Variants in DRICH1 observed in about 807,000 individuals in gnomAD.
The protein encoded by DRICH1 is aspartate-rich protein 1.
Under a neutral mutation model 39.5 loss-of-function variants are expected in DRICH1, and 38 were observed. The ratio of observed to expected loss-of-function variants is 0.96; its 90% CI spans 0.74 to 1.26. DRICH1 has a LOEUF of 1.26. DRICH1 is among the 50% of genes most tolerant of loss of function. DRICH1 has a pLI of 0.00. For missense variants in DRICH1, 279 were observed against 270.4 expected (o/e 1.03, Z -0.22); for synonymous variants, 84 against 99.5 (o/e 0.84, Z 0.93).
chr22:23,622,456 T>A (rs897383368), intron 3 of DRICH1, among the ~76,000 whole-genome samples: 2 of 152,012 alleles, frequency 1.3e-5, no homozygotes, highest in Non-Finnish European at 2.9e-5. Flanking sequence ...AATGGAAGAG[T>A]GCCTTCCTAC....
At chr22:23,621,783 A>G (rs1334547023) in intron 4 of DRICH1, among the ~76,000 whole-genome samples, 1 of 152,174 alleles carries the variant, frequency 6.6e-6, no homozygotes, top group Non-Finnish European at 1.5e-5. Flanking sequence ...GCATGAAGAC[A>G]CATGCCTGTA....
At chr22:23,623,162 T>C (rs1460451409) in intron 3 of DRICH1, among the ~76,000 whole-genome samples, 1 of 152,098 alleles carries the variant, frequency 6.6e-6, no homozygotes, top group East Asian at 1.9e-4. Context: ...CCCAGCACTT[T>C]TTGGGAGGCT....
At chr22:23,587,337 C>T in the DRICH1 span, among the ~76,000 whole-genome samples, 164 of 152,298 alleles carry the variant, frequency 1.1e-3, no homozygotes, top group Admixed American at 4.3e-3. Context: ...ATGTGGGGCA[C>T]CTAGGGTCAC....
chr22:23,624,259 A>T, intron 3 of DRICH1: 5 of 985,330 alleles, frequency 5.1e-6, no homozygotes, highest in Non-Finnish European at 6.0e-6. Context: ...TGTGTCCCAA[A>T]CCACAGGCTC....
At chr22:23,614,108 T>C (rs1927203726) in intron 9 of DRICH1, 27 bp downstream of exon 9, 3 of 1,494,240 alleles carry the variant, frequency 2.0e-6, no homozygotes, top group African/African-American at 1.4e-5. Context: ...AACATTGCTG[T>C]AGAAGACAAA....
chr22:23,628,547 GC>G (rs10713775), intron 1 of DRICH1, among the ~76,000 whole-genome samples: 14,066 of 152,174 alleles, frequency 0.092, 730 homozygotes, highest in East Asian at 0.24. Context: ...TCCAGCCTGG[GC>G]AACAGAGTGA....
chr22:23,597,175 C>T, the DRICH1 span, among the ~76,000 whole-genome samples: 2 of 143,224 alleles, frequency 1.4e-5, no homozygotes, highest in African/African-American at 2.6e-5. Context: ...TTCTTTCCTT[C>T]CTCCCTCCCT....
chr22:23,620,881 A>G (rs1230579350), intron 4 of DRICH1, among the ~76,000 whole-genome samples: 2 of 152,218 alleles, frequency 1.3e-5, no homozygotes, highest in African/African-American at 4.8e-5. Flanking sequence ...ATCCAAAGAG[A>G]AAAACTGGTG....
intron 8 of DRICH1, among the ~76,000 whole-genome samples, 177 bp from the exon 9 acceptor site, chr22:23,614,391 T>C (rs960178649): frequency 2.0e-5 from 3 of 152,152 alleles, no homozygotes; most frequent in Non-Finnish European, 4.4e-5. Flanking sequence ...ATGAAAGACA[T>C]GAGACATGGA....
chr22:23,597,225 G>A, the DRICH1 span, among the ~76,000 whole-genome samples: 2 of 147,110 alleles, frequency 1.4e-5, no homozygotes, highest in African/African-American at 5.1e-5. Flanking sequence ...GGACACAGTG[G>A]CTTACATCTA....
At chr22:23,620,455 T>A in intron 5 of DRICH1, 139 bp downstream of exon 5, 1 of 997,728 alleles carries the variant, frequency 1.0e-6, no homozygotes, top group Non-Finnish European at 1.6e-6. Flanking sequence ...ACAGCCCCTC[T>A]GCTCATAGTT....
chr22:23,630,525 T>A (rs748359387), intron 1 of DRICH1: 1 of 152,210 alleles, frequency 6.6e-6, no homozygotes, highest in African/African-American at 2.4e-5. Context: ...TTTTTCTTCC[T>A]TTTTATTAGA....
chr22:23,596,660 A>C, the DRICH1 span, among the ~76,000 whole-genome samples: 3 of 152,116 alleles, frequency 2.0e-5, no homozygotes, highest in Admixed American at 6.6e-5. Context: ...AGTGTGTTTA[A>C]ATTTTTATAT....
intron 10 of DRICH1, 21 bp from the exon 11 acceptor site, chr22:23,613,351 G>T: frequency 6.2e-7 from 1 of 1,604,082 alleles, no homozygotes; most frequent in Non-Finnish European, 8.5e-7. Context: ...AAAAACACCA[G>T]AATAAGTCAT....
chr22:23,600,651 TA>T, the DRICH1 span, among the ~76,000 whole-genome samples: 1 of 123,954 alleles, frequency 8.1e-6, no homozygotes, highest in South Asian at 2.9e-4. Flanking sequence ...GCCTCCCCTC[TA>T]AAAACGATTC....
chr22:23,612,570 TACTA>T (rs1927104468), intron 11 of DRICH1, among the ~76,000 whole-genome samples: 1 of 151,254 alleles, frequency 6.6e-6, no homozygotes, highest in African/African-American at 2.4e-5. Context: ...AATAGTGTGA[TACTA>T]TCTTTTGTGG....
downstream of DRICH1, among the ~76,000 whole-genome samples, chr22:23,604,254 C>T (rs905084306): frequency 4.6e-5 from 7 of 152,052 alleles, 1 homozygote; most frequent in African/African-American, 1.7e-4. Flanking sequence ...ACCACCTTGG[C>T]CCCAGGACTC....
downstream of DRICH1, among the ~76,000 whole-genome samples, chr22:23,606,452 G>A (rs745385454): frequency 6.6e-6 from 1 of 152,182 alleles, no homozygotes; most frequent in Non-Finnish European, 1.5e-5. Context: ...CTTGGCCAGA[G>A]CCTATGGCTT....
chr22:23,620,679 A>G (rs1602342771), intron 4 of DRICH1, 64 bp from the exon 5 acceptor site: 2 of 1,573,046 alleles, frequency 1.3e-6, no homozygotes, highest in East Asian at 2.2e-5. Context: ...CCTTACACAG[A>G]TCTGTTATTC....
Sources: gnomAD v4.1 joint callset for allele counts (sites outside exome capture counted in the v4.1 genomes callset) on GRCh38, gnomAD v4.1.1 for gene constraint, MANE v1.5 for transcripts, NCBI Gene and HGNC (gene_info 2026-07-23, HGNC 2026-07-21) for gene names.